ACADL: variants seen among roughly 807,000 people sequenced by gnomAD.
ACADL encodes the protein acyl-CoA dehydrogenase long chain, also known as long-chain specific acyl-CoA dehydrogenase, mitochondrial.
In ACADL, 60 loss-of-function variants were observed where a neutral mutation model predicts 56.9. The ratio of observed to expected loss-of-function variants is 1.05; its 90% CI spans 0.86 to 1.31. The LOEUF is 1.31. Ranked by LOEUF, ACADL falls within the 50% of genes most tolerant of loss-of-function variation. The pLI is 0.00. For synonymous variants in ACADL, 158 were observed against 179.7 expected (o/e 0.88, Z 0.97); for missense variants, 484 against 525.5 (o/e 0.92, Z 0.77).
chr2:210,201,544 T>G (rs1398293014), intron 8 of ACADL, among the ~76,000 whole-genome samples: 1 of 152,136 alleles, frequency 6.6e-6, no homozygotes, highest in African/African-American at 2.4e-5. Flanking sequence ...CTACGGAGAT[T>G]CAAGTAGCTG....
intron 8 of ACADL, among the ~76,000 whole-genome samples, chr2:210,198,020 C>T (rs1011293293): frequency 2.0e-5 from 3 of 152,206 alleles, no homozygotes; most frequent in Non-Finnish European, 4.4e-5. Flanking sequence ...TGAAATCATC[C>T]TCTAATCAAA....
chr2:210,192,770 C>G, intron 10 of ACADL, 34 bp downstream of exon 10: 1 of 1,527,880 alleles, frequency 6.5e-7, no homozygotes, highest in Non-Finnish European at 9.1e-7. Context: ...TTCTTCACAT[C>G]ATAAAGAAGA....
At chr2:210,212,810 T>A (rs1205935702) in intron 4 of ACADL, among the ~76,000 whole-genome samples, 1 of 152,210 alleles carries the variant, frequency 6.6e-6, no homozygotes, top group Non-Finnish European at 1.5e-5. Flanking sequence ...AATAAACATT[T>A]GTTAAATTAT....
chr2:210,191,923 A>G (rs1688639059), intron 10 of ACADL, among the ~76,000 whole-genome samples: 1 of 152,158 alleles, frequency 6.6e-6, no homozygotes, highest in Admixed American at 6.5e-5. Flanking sequence ...AGAAAAGGAA[A>G]TTCTGGAGAT....
In ACADL at chr2:210,216,336, T is replaced by C. The variant is rs1319517191; in HGVS notation, c.536+11A>G. 1.2e-6 allele frequency: 2 copies of C among 1,613,306 alleles called. No individual in the cohort carries two copies. The highest frequency in any genetic ancestry group is 1.7e-6 in the Non-Finnish European group (2 of 1,179,628). ...TTCCAAGAATCCAAAGCCAACTAAA[T>C]ATTAACTTACCTTCCAGCTCCAGGC... On this transcript the variant is annotated intron_variant, in intron 4 of 10. Coordinates refer to ENST00000233710, the MANE Select transcript of ACADL (RefSeq NM_001608.4).
chr2:210,205,850 C>T, intron 5 of ACADL, 54 bp from the exon 6 acceptor site: 1 of 1,601,534 alleles, frequency 6.2e-7, no homozygotes, highest in Non-Finnish European at 8.6e-7. Flanking sequence ...ATTCTATGTG[C>T]AAGTTATGAT....
chr2:210,214,763 A>T (rs930316054), intron 4 of ACADL, among the ~76,000 whole-genome samples: 1 of 152,216 alleles, frequency 6.6e-6, no homozygotes, highest in African/African-American at 2.4e-5. Context: ...CAATCTGAAT[A>T]TTGGCAGTCA....
intron 1 of ACADL, among the ~76,000 whole-genome samples, chr2:210,221,003 A>T (rs1689168283): frequency 1.3e-5 from 2 of 152,124 alleles, no homozygotes; most frequent in African/African-American, 4.8e-5. Flanking sequence ...TGGAATTAAG[A>T]AGTACCTTAT....
At chr2:210,215,168 A>C (rs543585872) in intron 4 of ACADL, among the ~76,000 whole-genome samples, 1 of 152,208 alleles carries the variant, frequency 6.6e-6, no homozygotes, top group South Asian at 2.1e-4. Context: ...AACATAAATA[A>C]TTTCCCTTAC....
chr2:210,212,534 T>C (rs1470408338), intron 4 of ACADL, among the ~76,000 whole-genome samples: 1 of 152,136 alleles, frequency 6.6e-6, no homozygotes, highest in Middle Eastern at 3.2e-3. Flanking sequence ...CAATACTGAT[T>C]CTGGACTTTT....
At chr2:210,195,482 G>T in intron 8 of ACADL, 144 bp from the exon 9 acceptor site, 1 of 889,286 alleles carries the variant, frequency 1.1e-6, no homozygotes, top group Non-Finnish European at 1.7e-6. Flanking sequence ...CATAAAAATG[G>T]CATTTGTTAC....
rs938034442 is a variant in ACADL at position 210,216,395 on chromosome 2, G to T, written c.488C>A (p.Ala163Glu). Residue 163 changes from alanine (A) to glutamate (E), a missense_variant, in exon 4 of 11, where the codon GCA becomes GAA. Physicochemically the swap from Ala to Glu is moderately radical, Grantham distance 107. Coordinates refer to ENST00000233710, the MANE Select transcript of ACADL (RefSeq NM_001608.4). ...TGCTATTGCACCAATACATTTGCCT[G>T]CAGTCATCTGGGGAATAAAGTGCTT... Reference protein sequence around the residue: ...QIKHFIPQMTAGKCIGAIAMT... With the variant: ...QIKHFIPQMTEGKCIGAIAMT... 5 of 1,613,784 alleles carry T rather than the reference G, an allele frequency of 3.1e-6. No homozygotes were observed. Among genetic ancestry groups the T allele is most frequent in the East Asian group, 4.5e-5 (2 of 44,872 alleles).
intron 8 of ACADL, among the ~76,000 whole-genome samples, chr2:210,200,974 GTC>G (rs552230935): frequency 1.1e-3 from 160 of 152,282 alleles, no homozygotes; most frequent in Admixed American, 2.0e-3. Flanking sequence ...ACAGCCGAGG[GTC>G]TCTGGTGAAA....
intron 4 of ACADL, among the ~76,000 whole-genome samples, chr2:210,214,467 A>AAAGAAAGAAAGAAAGAAAG (rs1689040419): frequency 1.8e-4 from 22 of 122,336 alleles, no homozygotes; most frequent in East Asian, 2.4e-4. Context: ...GACCTTCCAA[A>AAAGAAAGAAAGAAAGAAAG]AAAGAAAGAA....
intron 8 of ACADL, among the ~76,000 whole-genome samples, chr2:210,195,677 G>T (rs955112311): frequency 6.6e-6 from 1 of 152,210 alleles, no homozygotes; most frequent in African/African-American, 2.4e-5. Context: ...CAGTTATTTA[G>T]GTACAGCCGT....
chr2:210,200,406 C>T (rs912973565), intron 8 of ACADL, among the ~76,000 whole-genome samples: 3 of 152,176 alleles, frequency 2.0e-5, no homozygotes, highest in Non-Finnish European at 2.9e-5. Context: ...CTCCAGGGCA[C>T]TATACAAGTT....
At chr2:210,190,005 C>A (rs367985426) in intron 10 of ACADL, among the ~76,000 whole-genome samples, 1 of 152,034 alleles carries the variant, frequency 6.6e-6, no homozygotes. Context: ...TTTGGACTTT[C>A]CTGGTAGACA....
At chr2:210,208,548 G>A (rs1688927399) in intron 5 of ACADL, among the ~76,000 whole-genome samples, 1 of 151,988 alleles carries the variant, frequency 6.6e-6, no homozygotes, top group Non-Finnish European at 1.5e-5. Flanking sequence ...GGTGGTAGGA[G>A]GATATTAAAT....
chr2:210,197,082 CAAGCAAG>C (rs1688721716), intron 8 of ACADL, among the ~76,000 whole-genome samples: 1 of 152,126 alleles, frequency 6.6e-6, no homozygotes, highest in South Asian at 2.1e-4. Flanking sequence ...GACCCAGGAC[CAAGCAAG>C]ACCAGGGTGT....
Sources: gnomAD v4.1 joint callset for allele counts (sites outside exome capture counted in the v4.1 genomes callset) on GRCh38, gnomAD v4.1.1 for gene constraint, MANE v1.5 for transcripts, NCBI Gene and HGNC (gene_info 2026-07-23, HGNC 2026-07-21) for gene names.